Variants in ZCCHC7 observed in about 807,000 individuals in gnomAD.
The protein encoded by ZCCHC7 is zinc finger CCHC-type containing 7.
ZCCHC7 carries 35 observed loss-of-function variants against 52.0 expected under a neutral mutation model. The ratio of observed to expected loss-of-function variants is 0.67; its 90% CI spans 0.51 to 0.89. The LOEUF (loss-of-function observed/expected upper bound fraction) is 0.89, where lower values mean the gene tolerates loss of function less well. Among genes scored for constraint, ZCCHC7 ranks in the 40% least tolerant of loss-of-function variants. ZCCHC7 has a pLI of 0.00. For missense variants in ZCCHC7, 574 were observed against 649.1 expected (o/e 0.88, Z 1.26); for synonymous variants, 217 against 221.5 (o/e 0.98, Z 0.18).
intron 2 of ZCCHC7, among the ~76,000 whole-genome samples, chr9:37,131,237 G>A (rs1158286549): frequency 1.3e-5 from 2 of 151,902 alleles, no homozygotes; most frequent in Non-Finnish European, 2.9e-5. Context: ...CTACTCAGGA[G>A]GCTGAGGCAG....
At chr9:37,277,489 TAAATA>T (rs929983023) in intron 2 of ZCCHC7, among the ~76,000 whole-genome samples, 1 of 151,670 alleles carries the variant, frequency 6.6e-6, no homozygotes, top group Admixed American at 6.6e-5. Context: ...TGAAATAAAA[TAAATA>T]AAATAAAATA....
intron 2 of ZCCHC7, among the ~76,000 whole-genome samples, chr9:37,230,662 A>C (rs1310291712): frequency 6.6e-6 from 1 of 152,206 alleles, no homozygotes; most frequent in Non-Finnish European, 1.5e-5. Flanking sequence ...AAGCACCATG[A>C]GAATAGGAAT....
intron 5 of ZCCHC7, among the ~76,000 whole-genome samples, chr9:37,307,503 CT>C (rs1829383521): frequency 6.6e-6 from 1 of 152,084 alleles, no homozygotes; most frequent in Non-Finnish European, 1.5e-5. Flanking sequence ...CTCTCATTCT[CT>C]TTTTTAAAGC....
At chr9:37,312,358 A>T (rs975122656) in intron 5 of ZCCHC7, among the ~76,000 whole-genome samples, 8 of 152,234 alleles carry the variant, frequency 5.3e-5, no homozygotes, top group African/African-American at 1.4e-4. Flanking sequence ...CTAGGGGAAA[A>T]AAAGATGAAT....
intron 2 of ZCCHC7, among the ~76,000 whole-genome samples, chr9:37,249,204 T>C (rs1826205060): frequency 6.6e-6 from 1 of 152,156 alleles, no homozygotes; most frequent in Non-Finnish European, 1.5e-5. Flanking sequence ...ATCTTGGTAG[T>C]GGGAATTACT....
chr9:37,245,567 AAG>A (rs1373336831), intron 2 of ZCCHC7, among the ~76,000 whole-genome samples: 1 of 152,008 alleles, frequency 6.6e-6, no homozygotes, highest in Non-Finnish European at 1.5e-5. Flanking sequence ...TTCGTAGCCT[AAG>A]AGAGAGTCAG....
In ZCCHC7 at chr9:37,298,335, T is replaced by C. The variant is rs572544522; in HGVS notation, c.611-3853T>C. On this transcript the variant is annotated intron_variant, in intron 2 of 8. Transcript: ENST00000336755. ...AGGCCCAACCTCCAACATTGGGGAT[T>C]ACAATTCAACATGAGATTCGGCCAG... Among the ~76,000 whole-genome samples the C allele has an allele frequency of 2.6e-5, 4 of 152,318 alleles. No individual in the cohort carries two copies. The East Asian group carries it at 7.7e-4, about 29-fold the overall frequency.
intron 2 of ZCCHC7, among the ~76,000 whole-genome samples, chr9:37,189,111 ATTT>A (rs1801885794): frequency 2.0e-5 from 3 of 146,808 alleles, no homozygotes; most frequent in African/African-American, 7.6e-5. Flanking sequence ...TTTGCATTTG[ATTT>A]TTCTTTATAT....
intron 3 of ZCCHC7, among the ~76,000 whole-genome samples, 193 bp from the exon 4 acceptor site, chr9:37,303,993 CAT>C (rs1340573369): frequency 6.6e-6 from 1 of 152,126 alleles, no homozygotes; most frequent in Non-Finnish European, 1.5e-5. Flanking sequence ...CAAGAGAGAT[CAT>C]AAAGTTCCCC....
chr9:37,321,212 TCTC>T (rs1024493194), intron 5 of ZCCHC7, among the ~76,000 whole-genome samples: 8 of 151,910 alleles, frequency 5.3e-5, no homozygotes, highest in African/African-American at 1.9e-4. Context: ...ATGGTCTTGA[TCTC>T]CTGACCTCGT....
chr9:37,349,790 A>G (rs550366099), intron 7 of ZCCHC7, among the ~76,000 whole-genome samples: 1 of 151,794 alleles, frequency 6.6e-6, no homozygotes, highest in Admixed American at 6.6e-5. Context: ...ATGATTTTAG[A>G]TTTTCTTTTT....
At chr9:37,312,864 T>C (rs1361210869) in intron 5 of ZCCHC7, among the ~76,000 whole-genome samples, 1 of 152,346 alleles carries the variant, frequency 6.6e-6, no homozygotes, top group East Asian at 1.9e-4. Flanking sequence ...ACCACTGATA[T>C]ATTCAAATCT....
chr9:37,356,310 C>T (rs1382184900), intron 8 of ZCCHC7, among the ~76,000 whole-genome samples: 5 of 152,304 alleles, frequency 3.3e-5, no homozygotes, highest in East Asian at 1.9e-4. Context: ...CTAAGATACC[C>T]GCACTCACGT....
At chr9:37,181,293 C>G (rs1822339518) in intron 2 of ZCCHC7, among the ~76,000 whole-genome samples, 1 of 152,010 alleles carries the variant, frequency 6.6e-6, no homozygotes, top group Non-Finnish European at 1.5e-5. Flanking sequence ...AGAAGAGCAG[C>G]CTTTACCTAA....
intron 2 of ZCCHC7, among the ~76,000 whole-genome samples, chr9:37,299,058 C>T (rs963076890): frequency 6.6e-6 from 1 of 152,160 alleles, no homozygotes; most frequent in African/African-American, 2.4e-5. Flanking sequence ...GCTTTGATCA[C>T]GGCTCTGAAA....
intron 2 of ZCCHC7, among the ~76,000 whole-genome samples, chr9:37,268,959 C>T (rs984800272): frequency 6.6e-6 from 1 of 152,120 alleles, no homozygotes; most frequent in South Asian, 2.1e-4. Flanking sequence ...AATATTCTAA[C>T]GTAGTATGGA....
At chr9:37,300,232 T>G (rs1195916830) in intron 2 of ZCCHC7, among the ~76,000 whole-genome samples, 1 of 152,238 alleles carries the variant, frequency 6.6e-6, no homozygotes, top group Non-Finnish European at 1.5e-5. Flanking sequence ...CATTTTGCAT[T>G]TCATTGGTTT....
chr9:37,273,299 T>G (rs1827517428), intron 2 of ZCCHC7, among the ~76,000 whole-genome samples: 1 of 152,054 alleles, frequency 6.6e-6, no homozygotes, highest in African/African-American at 2.4e-5. Context: ...GTCAGGAGAT[T>G]GAGACCATCC....
intron 2 of ZCCHC7, among the ~76,000 whole-genome samples, chr9:37,231,118 C>G (rs1017488121): frequency 6.6e-6 from 1 of 151,996 alleles, no homozygotes; most frequent in Non-Finnish European, 1.5e-5. Context: ...CTAATTTTTT[C>G]TATTTTTAGT....
Sources: gnomAD v4.1 joint callset for allele counts (sites outside exome capture counted in the v4.1 genomes callset) on GRCh38, gnomAD v4.1.1 for gene constraint, MANE v1.5 for transcripts, NCBI Gene and HGNC (gene_info 2026-07-23, HGNC 2026-07-21) for gene names.